TOP6BL: variants seen among roughly 807,000 people sequenced by gnomAD.
TOP6BL encodes type 2 DNA topoisomerase 6 subunit B-like.
chr11:66,834,992 A>C, the TOP6BL span, among the ~76,000 whole-genome samples: 1 of 138,580 alleles, frequency 7.2e-6, no homozygotes, highest in African/African-American at 2.7e-5. Flanking sequence ...AGTATCAAGG[A>C]GGCAATTTTC....
At chr11:66,821,480 G>A in the TOP6BL span, among the ~76,000 whole-genome samples, 1 of 152,018 alleles carries the variant, frequency 6.6e-6, no homozygotes, top group Non-Finnish European at 1.5e-5. Context: ...GTGGAGACGG[G>A]GTTTCACCGT....
At chr11:66,750,331 T>A in the TOP6BL span, among the ~76,000 whole-genome samples, 1 of 152,112 alleles carries the variant, frequency 6.6e-6, no homozygotes, top group Non-Finnish European at 1.5e-5. Context: ...GCAGATCACA[T>A]GAGGTCAGGG....
At chr11:66,784,806 GAGTAA>G in the TOP6BL span, among the ~76,000 whole-genome samples, 279 of 152,178 alleles carry the variant, frequency 1.8e-3, 1 homozygote, top group Admixed American at 3.3e-3. Context: ...TAGCTGTTCT[GAGTAA>G]TCCTGCTATG....
At chr11:66,761,949 A>G in the TOP6BL span, 11 of 1,551,766 alleles carry the variant, frequency 7.1e-6, no homozygotes, top group Non-Finnish European at 9.8e-6. Flanking sequence ...AGGGTCTTCA[A>G]CCTTCTGCCC....
the TOP6BL span, among the ~76,000 whole-genome samples, chr11:66,764,077 C>A: frequency 2.0e-5 from 3 of 152,172 alleles, no homozygotes; most frequent in Non-Finnish European, 2.9e-5. Context: ...TCCCTTTATA[C>A]CCCTAGTGAA....
At chr11:66,749,687 G>T in the TOP6BL span, among the ~76,000 whole-genome samples, 8 of 152,028 alleles carry the variant, frequency 5.3e-5, no homozygotes. Flanking sequence ...TCAGCCTCCT[G>T]AGTAGCTGAG....
chr11:66,760,372 C>T, the TOP6BL span, among the ~76,000 whole-genome samples: 1 of 150,744 alleles, frequency 6.6e-6, no homozygotes, highest in Non-Finnish European at 1.5e-5. Flanking sequence ...TCCCTTGAAC[C>T]CAGGAGGCAG....
the TOP6BL span, among the ~76,000 whole-genome samples, chr11:66,812,565 CT>C: frequency 1.3e-5 from 2 of 152,116 alleles, no homozygotes; most frequent in African/African-American, 4.8e-5. Context: ...GTGAGGGAGA[CT>C]TCATTTATGG....
chr11:66,829,050 C>G, the TOP6BL span, among the ~76,000 whole-genome samples: 1 of 117,572 alleles, frequency 8.5e-6, no homozygotes, highest in African/African-American at 3.4e-5. Context: ...CGGCTCACTG[C>G]AACCTCTGCC....
chr11:66,791,606 C>A, the TOP6BL span, among the ~76,000 whole-genome samples: 1 of 152,142 alleles, frequency 6.6e-6, no homozygotes, highest in East Asian at 1.9e-4. Flanking sequence ...TATATTCTGT[C>A]ATATAATTAG....
chr11:66,833,808 C>G, the TOP6BL span, among the ~76,000 whole-genome samples: 2 of 152,044 alleles, frequency 1.3e-5, no homozygotes, highest in Non-Finnish European at 2.9e-5. Flanking sequence ...ATTAGCCAGG[C>G]CTGTTGGCAC....
At chr11:66,801,215 G>C in the TOP6BL span, 1 of 1,094,524 alleles carries the variant, frequency 9.1e-7, no homozygotes, top group Admixed American at 2.3e-5. Context: ...CCAGGTGTCA[G>C]CTTCTCTATA....
chr11:66,760,625 CAAAAAAAAAAAAAAA>C, the TOP6BL span, among the ~76,000 whole-genome samples: 6 of 54,146 alleles, frequency 1.1e-4, no homozygotes, highest in Admixed American at 2.7e-4. Flanking sequence ...CCCATCTTTA[CAAAAAAAAAAAAAAA>C]AAAAAAAAAA....
chr11:66,795,850 T>G, the TOP6BL span: 8 of 153,070 alleles, frequency 5.2e-5, 1 homozygote, highest in Admixed American at 3.3e-4. Context: ...CAAAAATAGG[T>G]TCCTTTTAGT....
At chr11:66,830,010 T>C in the TOP6BL span, among the ~76,000 whole-genome samples, 2 of 152,220 alleles carry the variant, frequency 1.3e-5, no homozygotes, top group Admixed American at 1.3e-4. Context: ...TAATTAATAG[T>C]TATGATAAGC....
chr11:66,810,759 T>C, the TOP6BL span, among the ~76,000 whole-genome samples: 1 of 152,214 alleles, frequency 6.6e-6, no homozygotes, highest in Non-Finnish European at 1.5e-5. Context: ...AGACAGCTTC[T>C]TGCATGACTC....
chr11:66,803,868 C>T, the TOP6BL span: 32 of 657,888 alleles, frequency 4.9e-5, no homozygotes, highest in Non-Finnish European at 6.9e-5. Flanking sequence ...TTTATTCCAA[C>T]AAAACTGATA....
At chr11:66,819,904 TAAAAAAA>T in the TOP6BL span, among the ~76,000 whole-genome samples, 1 of 119,772 alleles carries the variant, frequency 8.3e-6, no homozygotes, top group Non-Finnish European at 1.7e-5. Context: ...ACTCTTGTCT[TAAAAAAA>T]AAAAAAAAAA....
At chr11:66,808,284 C>T in the TOP6BL span, among the ~76,000 whole-genome samples, 1 of 152,182 alleles carries the variant, frequency 6.6e-6, no homozygotes, top group Non-Finnish European at 1.5e-5. Flanking sequence ...CCTATAATCT[C>T]AGCACTTTGG....
Sources: allele counts gnomAD v4.1 joint callset (sites outside exome capture counted in the v4.1 genomes callset), GRCh38; gene constraint gnomAD v4.1.1; transcripts MANE v1.5; gene names NCBI Gene and HGNC (gene_info 2026-07-23, HGNC 2026-07-21).